Variants in ATXN7L3 observed in about 807,000 individuals in gnomAD.
The protein encoded by ATXN7L3 is ataxin-7-like protein 3.
In ATXN7L3, 6 loss-of-function variants were observed where a neutral mutation model predicts 50.0. The observed-to-expected ratio is 0.12, with a 90% CI of 0.07 to 0.24. The LOEUF (loss-of-function observed/expected upper bound fraction) is 0.24. Ranked by LOEUF, ATXN7L3 falls within the 10% of genes least tolerant of loss-of-function variation. ATXN7L3 has a pLI of 1.00. For missense variants in ATXN7L3, 322 were observed against 451.3 expected, an observed-to-expected ratio of 0.71 and a Z score of 2.60; for synonymous variants, 198 against 165.8, an observed-to-expected ratio of 1.19 and a Z score of -1.49.
chr17:44,195,012 T>A, intron 10 of ATXN7L3, 85 bp downstream of exon 10: 1 of 1,538,042 alleles, frequency 6.5e-7, no homozygotes, highest in Non-Finnish European at 9.0e-7. Flanking sequence ...GGAGCCCCAT[T>A]GCTCAAGTCC....
intron 7 of ATXN7L3, 45 bp from the exon 8 acceptor site, chr17:44,195,873 C>G: frequency 1.3e-6 from 2 of 1,595,960 alleles, no homozygotes; most frequent in Non-Finnish European, 1.7e-6. Context: ...TGCAGAGGTA[C>G]AGACAGAGAA....
intron 6 of ATXN7L3, 147 bp from the exon 7 acceptor site, chr17:44,196,226 T>TCCCCCCCCCCCCCATCCCCCC: frequency 2.7e-6 from 2 of 737,704 alleles, no homozygotes; most frequent in Non-Finnish European, 4.3e-6. Flanking sequence ...CCATGTGCCC[T>TCCCCCCCCCCCCCATCCCCCC]CCCCCACCCC....
At chr17:44,194,742 C>T in intron 11 of ATXN7L3, 26 bp downstream of exon 11, 2 of 1,613,956 alleles carry the variant, frequency 1.2e-6, no homozygotes, top group South Asian at 1.1e-5. Flanking sequence ...GTCACAACCC[C>T]CCACCCTTCC....
Position 44,196,377 on chromosome 17 carries a change from T to G in ATXN7L3, c.477+19A>C, listed in dbSNP as rs1469529810. ...TGTCCTTTACCCATTATTTCCCCAATGCCTGGCCCGGCTCTCACCTTGTCT... is the reference window on the plus strand; with the variant it reads ...TGTCCTTTACCCATTATTTCCCCAAGGCCTGGCCCGGCTCTCACCTTGTCT... On this transcript the variant is annotated intron_variant, in intron 6 of 12. Transcript: ENST00000587097. 1 of 1,613,754 alleles carries G rather than the reference T, an allele frequency of 6.2e-7. No individual in the cohort carries two copies. Among genetic ancestry groups the G allele is most frequent in the Non-Finnish European group, 8.5e-7 (1 of 1,179,934 alleles).
At chr17:44,198,678 G>A (rs940426504) in intron 1 of ATXN7L3, among the ~76,000 whole-genome samples, 1 of 151,964 alleles carries the variant, frequency 6.6e-6, no homozygotes, top group African/African-American at 2.4e-5. Context: ...TCCACGAGGG[G>A]AGCAGAGCCC....
rs377514452 is a variant in ATXN7L3 at position 44,194,545 on chromosome 17, C to T, written c.867G>A (p.Lys289=). ...GACCCCATCCCTGATTTTCACTCGT[C>T]TTGGAGGAGCCTGAATCAGAGGGTG... The part of the protein sequence containing the change: ...DLSPSDSGSS[K]TSENQGWGLG... Residue 289 remains lysine (K), a synonymous_variant, in exon 12 of 13, where the codon AAG becomes AAA. Transcript: ENST00000587097. The T allele has an allele frequency of 8.3e-5, 134 of 1,613,642 alleles. No homozygotes were observed. The highest frequency in any genetic ancestry group is 1.1e-4 in the Non-Finnish European group (131 of 1,179,988).
At position 44,194,246 on chromosome 17, in the gene ATXN7L3, T is replaced by TA; in HGVS notation, c.*16dup. ...GAGAGGGCTCTGCTCAGCCAAAGGC[T>TA]ATCCCTTGCACCCAAGTCAGTTGAT... On this transcript the variant is annotated 3_prime_UTR_variant, in exon 13 of 13. Coordinates refer to ENST00000587097, the MANE Select transcript of ATXN7L3 (RefSeq NM_001382309.1). 6.2e-7 allele frequency: 1 copy of TA among 1,613,804 alleles called. No individual in the cohort carries two copies. The highest frequency in any genetic ancestry group is 8.5e-7 in the Non-Finnish European group (1 of 1,179,886).
Position 44,194,588 on chromosome 17 carries a change from T to C in ATXN7L3, c.824A>G (p.Asp275Gly). Residue 275 changes from aspartate (D) to glycine (G), a missense_variant, in exon 12 of 13, where the codon GAC becomes GGC. Around this residue, in one of 5 missense-constraint regions of ATXN7L3, gnomAD observed 122 missense variants for 130.8 expected, o/e 0.93. Transcript: ENST00000587097. ...AGAGGGTGAGAGGTCAGAGGAGCCG[T>C]CCCACTGAAGCCGGCTGATCAGGGC... ...SQALISRLQW[D>G]GSSDLSPSDS... The C allele has an allele frequency of 1.2e-6, 2 of 1,613,640 alleles. No homozygotes were observed. Among genetic ancestry groups the C allele is most frequent in the Non-Finnish European group, 1.7e-6 (2 of 1,179,934 alleles).
intron 3 of ATXN7L3, 29 bp from the exon 4 acceptor site, chr17:44,197,428 G>A: frequency 1.3e-6 from 2 of 1,580,198 alleles, no homozygotes; most frequent in South Asian, 2.3e-5. Context: ...GGCGATCAGG[G>A]TGGGCAGGAC....
intron 2 of ATXN7L3, 116 bp from the exon 3 acceptor site, chr17:44,197,846 C>T: frequency 1.3e-6 from 2 of 1,547,924 alleles, no homozygotes; most frequent in East Asian, 4.5e-5. Flanking sequence ...TTGCCATTTT[C>T]CCCATCTTGA....
At chr17:44,196,777 CAAAAAAA>C (rs34885873) in intron 5 of ATXN7L3, 145 bp downstream of exon 5, 113 of 237,826 alleles carry the variant, frequency 4.8e-4, no homozygotes, top group Middle Eastern at 1.7e-3. Context: ...GAATCCATCT[CAAAAAAA>C]AAAAAAAAAA....
chr17:44,196,879 C>T, intron 5 of ATXN7L3, 50 bp downstream of exon 5: 1 of 1,384,916 alleles, frequency 7.2e-7, no homozygotes, highest in Non-Finnish European at 1.0e-6. Context: ...CCAATTCCTG[C>T]TTCCCACCTC....
intron 5 of ATXN7L3, 80 bp downstream of exon 5, chr17:44,196,849 A>G (rs1281055968): frequency 8.3e-6 from 8 of 961,110 alleles, no homozygotes; most frequent in Middle Eastern, 2.1e-4. Flanking sequence ...TCAAGGCAAC[A>G]ATTTGTGACC....
intron 1 of ATXN7L3, among the ~76,000 whole-genome samples, chr17:44,198,725 A>G (rs902623711): frequency 6.7e-6 from 1 of 149,046 alleles, no homozygotes; most frequent in Non-Finnish European, 1.5e-5. Flanking sequence ...TCTAGCCACC[A>G]TGAGCAGGAA....
In ATXN7L3 at chr17:44,194,378, T is replaced by C. The variant is rs923660823; in HGVS notation, c.929A>G (p.Lys310Arg). The stretch of plus-strand genomic sequence containing the variant: ...TACCAGGCTCAGATGGGATTTCTTT[T>C]TCTTGGTTTTCCGTGACTCAGAGCT... The part of the protein sequence containing the change: ...TNSSESRKTK[K>R]KKSHLSLVGT... The change falls in exon 13 of 13, where the codon AAA (lysine) becomes AGA (arginine). Residue 310 changes from lysine (K) to arginine (R), a missense_variant. By Grantham distance (26) the Lys-to-Arg change is conservative. Transcript: ENST00000587097. The C allele has an allele frequency of 6.2e-7, 1 of 1,614,206 alleles. No individual in the cohort carries two copies. Among genetic ancestry groups the C allele is most frequent in the East Asian group, 2.2e-5 (1 of 44,888 alleles).
At chr17:44,196,226 T>TGCCCCCCCCCCCCAGGCCCCCCC in intron 6 of ATXN7L3, 147 bp from the exon 7 acceptor site, 1 of 737,702 alleles carries the variant, frequency 1.4e-6, no homozygotes, top group Non-Finnish European at 2.1e-6. Flanking sequence ...CCATGTGCCC[T>TGCCCCCCCCCCCCAGGCCCCCCC]CCCCCACCCC....
In ATXN7L3 at chr17:44,192,971, C is replaced by T. The variant is rs1371379674; in HGVS notation, c.*1292G>A. On this transcript the variant is annotated 3_prime_UTR_variant, in exon 13 of 13. Coordinates refer to ENST00000587097, the MANE Select transcript of ATXN7L3 (RefSeq NM_001382309.1). ...CCCAGGTCGCGGTCCTCCAGCTTGG[C>T]TCCTGGGAGTGGTGGTGCCCGCATG... is the stretch of plus-strand genomic sequence containing the variant. 6.6e-6 allele frequency: 1 copy of T among 152,442 alleles called. No homozygotes were observed. Among genetic ancestry groups the T allele is most frequent in the Non-Finnish European group, 1.5e-5 (1 of 68,250 alleles). 9.4% of individuals were successfully genotyped at this position (152,442 alleles called of 1,614,324 possible). A position where few individuals can be genotyped will look rare whatever the true frequency, so the allele number is the denominator to read the frequency against.
chr17:44,192,723 C>G lies in ATXN7L3; in HGVS notation c.*1540G>C, dbSNP rs1281385696. On this transcript the variant is annotated 3_prime_UTR_variant, in exon 13 of 13. Transcript: ENST00000587097. The stretch of plus-strand genomic sequence containing the variant: ...AGGCATGAGCCACAATCAGAACCAC[C>G]CCAGCGGGAGAGCGGAGTTCCAGAC... The G allele has an allele frequency of 6.6e-6, 1 of 152,214 alleles. No homozygotes were observed. The highest frequency in any genetic ancestry group is 6.6e-5 in the Admixed American group (1 of 15,266). The allele number at this position is 152,214 out of a possible 1,614,324, so 9.4% of individuals were successfully genotyped here.
In ATXN7L3 at chr17:44,196,987, G is replaced by A; in HGVS notation, c.396C>T (p.Asp132=). 1 of 1,613,460 alleles carries A rather than the reference G, an allele frequency of 6.2e-7. No individual in the cohort carries two copies. The part of the protein sequence containing the change: ...NSNNMNKSES[D]QEDNDDINDN... ...CATTGATGTCATCATTATCTTCTTG[G>A]TCACTCTCAGACTTATTCATATTGT... The change falls in exon 5 of 13, where the codon GAC becomes GAT. Residue 132 remains aspartate, a synonymous_variant. Transcript: ENST00000587097.
Sources: allele counts gnomAD v4.1 joint callset (sites outside exome capture counted in the v4.1 genomes callset), GRCh38; gene constraint gnomAD v4.1.1; regional missense constraint gnomAD v4.1.1; transcripts MANE v1.5; gene names NCBI Gene and HGNC (gene_info 2026-07-23, HGNC 2026-07-21).